Variants in COL24A1 observed in about 807,000 individuals in gnomAD.
The protein encoded by COL24A1 is collagen alpha-1(XXIV) chain.
Under a neutral mutation model 253.9 loss-of-function variants are expected in COL24A1, and 224 were observed. That is an observed-to-expected ratio of 0.88 (90% confidence interval 0.79 to 0.99). The LOEUF (loss-of-function observed/expected upper bound fraction) is 0.99. COL24A1 is among the 50% of genes least tolerant of loss of function. The pLI, the probability that COL24A1 is intolerant of heterozygous loss-of-function variation, is 0.00. For missense variants in COL24A1, 2,131 were observed against 2,068.5 expected (o/e 1.03, Z -0.59); for synonymous variants, 685 against 673.7 (o/e 1.02, Z -0.26).
chr1:86,123,001 T>G lies in COL24A1; in HGVS notation c.1491+1844A>C, dbSNP rs1479189309. On this transcript the variant is annotated intron_variant, in intron 3 of 59. Transcript: ENST00000370571. ...CTGCTTTAGAGGAAGAAAACCTGGA[T>G]TCAAATCCTGGCTCTATCATTTACC... 1.3e-5 allele frequency among the ~76,000 whole-genome samples: 2 copies of G among 152,026 alleles called. 1 individual carries two copies. Among genetic ancestry groups the G allele is most frequent in the African/African-American group, 4.8e-5 (2 of 41,440 alleles).
In COL24A1 at chr1:85,818,056, G is replaced by A; in HGVS notation, c.3821C>T (p.Pro1274Leu). The A allele has an allele frequency of 6.2e-7, 1 of 1,613,634 alleles. No individual in the cohort carries two copies. The highest frequency in any genetic ancestry group is 8.5e-7 in the Non-Finnish European group (1 of 1,179,674). Residue 1274 changes from proline to leucine, a missense_variant, in exon 46 of 60, where the codon CCT becomes CTT. By Grantham distance (98) the Pro-to-Leu change is moderately conservative. Coordinates refer to ENST00000370571, the MANE Select transcript of COL24A1 (RefSeq NM_152890.7). ...TACAGGAATCCCAGGTTTCCCAGAA[G>A]GACCAGGAGCTCCTTTTTTCCCCTT... The part of the protein sequence containing the change: ...GNKGKKGAPG[P>L]SGKPGIPGLQ...
At chr1:86,082,362 T>G (rs1341377144) in intron 7 of COL24A1, among the ~76,000 whole-genome samples, 1 of 152,108 alleles carries the variant, frequency 6.6e-6, no homozygotes, top group East Asian at 1.9e-4. Flanking sequence ...GCTTCTTACC[T>G]CTCAGCCTTT....
In COL24A1 at chr1:86,125,591, G is replaced by T. The variant is rs778227592; in HGVS notation, c.745C>A (p.Gln249Lys). 1.1e-5 allele frequency: 17 copies of T among 1,613,240 alleles called. No individual in the cohort carries two copies. Among genetic ancestry groups the T allele is most frequent in the Admixed American group, 1.7e-5 (1 of 59,834 alleles). The part of the protein sequence containing the change: ...KQQCRQADKY[Q>K]PETSIPCTTL... ...GTACAAGGAATGCTTGTTTCAGGTT[G>T]GTATTTGTCTGCTTGGCGACACTGC... The change falls in exon 3 of 60, where the codon CAA (glutamine) becomes AAA (lysine). Residue 249 changes from glutamine (Q) to lysine (K), a missense_variant. By Grantham distance (53) the Gln-to-Lys change is moderately conservative. Coordinates refer to ENST00000370571, the MANE Select transcript of COL24A1 (RefSeq NM_152890.7).
chr1:86,115,510 T>C, intron 3 of COL24A1, 132 bp from the exon 4 acceptor site: 1 of 785,730 alleles, frequency 1.3e-6, no homozygotes, highest in South Asian at 1.7e-5. Flanking sequence ...GATTTTTAAG[T>C]AACACGAACC....
chr1:85,906,264 C>CTTTTTTTTTTT lies in COL24A1; in HGVS notation c.2778+919_2778+929dup, dbSNP rs10526604. ...TTTGCCAACTGGAAAACTGCAAGGT[C>CTTTTTTTTTTT]TTTTTTTTTTTTTACCATGGTTAGG... On this transcript the variant is annotated intron_variant, in intron 28 of 59. Coordinates refer to ENST00000370571, the MANE Select transcript of COL24A1 (RefSeq NM_152890.7). Among the ~76,000 whole-genome samples the CTTTTTTTTTTT allele has an allele frequency of 1.7e-3, 136 of 77,834 alleles. 26 individuals carry two copies. The highest frequency in any genetic ancestry group is 0.021 in the Middle Eastern group (2 of 96). 51.1% of individuals were successfully genotyped at this position (77,834 alleles called of 152,430 possible).
At chr1:85,733,729 G>A (rs1004031728) in intron 59 of COL24A1, among the ~76,000 whole-genome samples, 2 of 151,664 alleles carry the variant, frequency 1.3e-5, no homozygotes, top group Admixed American at 6.6e-5. Flanking sequence ...ATTGGCGTGT[G>A]CCACCATGCC....
At chr1:85,827,060 G>T (rs1458555509) in intron 43 of COL24A1, among the ~76,000 whole-genome samples, 1 of 151,848 alleles carries the variant, frequency 6.6e-6, no homozygotes, top group Admixed American at 6.6e-5. Context: ...TTGGCTGTGG[G>T]TTTGTCATAG....
At chr1:85,763,613 T>A (rs979991058) in intron 53 of COL24A1, among the ~76,000 whole-genome samples, 1 of 149,816 alleles carries the variant, frequency 6.7e-6, no homozygotes, top group Non-Finnish European at 1.5e-5. Flanking sequence ...TGCCTCAGCC[T>A]TCCGAGTAGC....
chr1:85,827,935 G>C (rs894128410), intron 43 of COL24A1, among the ~76,000 whole-genome samples: 2 of 151,984 alleles, frequency 1.3e-5, no homozygotes, highest in African/African-American at 2.4e-5. Flanking sequence ...GTTCTGCTGT[G>C]ATTTTAGTTA....
chr1:86,153,982 T>C (rs1185077868), intron 1 of COL24A1: 1 of 152,152 alleles, frequency 6.6e-6, no homozygotes, highest in Non-Finnish European at 1.5e-5. Flanking sequence ...GGAACTGTTT[T>C]TGGGTGACTA....
At chr1:86,137,340 T>C (rs1650404890) in intron 2 of COL24A1, among the ~76,000 whole-genome samples, 1 of 152,220 alleles carries the variant, frequency 6.6e-6, no homozygotes, top group South Asian at 2.1e-4. Flanking sequence ...CCAAGCACTA[T>C]TCTAAGAACT....
At chr1:86,083,063 C>T (rs1246024593) in intron 7 of COL24A1, among the ~76,000 whole-genome samples, 1 of 151,944 alleles carries the variant, frequency 6.6e-6, no homozygotes, top group East Asian at 1.9e-4. Flanking sequence ...TTTGGGAGGC[C>T]GAGGCGGGCG....
At chr1:86,072,526 C>G (rs1335253138) in intron 7 of COL24A1, among the ~76,000 whole-genome samples, 1 of 152,188 alleles carries the variant, frequency 6.6e-6, no homozygotes, top group African/African-American at 2.4e-5. Flanking sequence ...TGGGTCAGAG[C>G]ACCTGGGGGA....
intron 19 of COL24A1, among the ~76,000 whole-genome samples, chr1:86,014,572 CATT>C (rs201935051): frequency 0.01 from 1,552 of 151,882 alleles, 36 homozygotes; most frequent in African/African-American, 0.035. Context: ...AAAGCCAAAA[CATT>C]ATTTCCTGCC....
chr1:86,140,633 C>T (rs1650939694), intron 2 of COL24A1, among the ~76,000 whole-genome samples: 1 of 152,188 alleles, frequency 6.6e-6, no homozygotes. Context: ...ACCTAGGGAT[C>T]ATGAACCTGA....
intron 7 of COL24A1, among the ~76,000 whole-genome samples, chr1:86,065,624 G>T (rs1465043442): frequency 6.6e-6 from 1 of 151,898 alleles, no homozygotes; most frequent in East Asian, 1.9e-4. Flanking sequence ...TTGGAATAAA[G>T]AGTTTTATTT....
At chr1:85,768,457 T>C (rs929888223) in intron 53 of COL24A1, among the ~76,000 whole-genome samples, 7 of 152,048 alleles carry the variant, frequency 4.6e-5, no homozygotes, top group Non-Finnish European at 7.4e-5. Flanking sequence ...CCAGGAGGGA[T>C]ATCATGATCA....
chr1:85,840,369 G>T (rs942828181), intron 42 of COL24A1, among the ~76,000 whole-genome samples: 3 of 151,876 alleles, frequency 2.0e-5, no homozygotes, highest in African/African-American at 7.3e-5. Context: ...TATATCTATT[G>T]CCTCTATATG....
At chr1:85,731,781 T>C (rs938005395) in intron 59 of COL24A1, among the ~76,000 whole-genome samples, 1 of 152,150 alleles carries the variant, frequency 6.6e-6, no homozygotes, top group Admixed American at 6.5e-5. Flanking sequence ...AAAATGTAGA[T>C]AGTTAGTAAA....
Sources: allele counts gnomAD v4.1 joint callset (sites outside exome capture counted in the v4.1 genomes callset), GRCh38; gene constraint gnomAD v4.1.1; transcripts MANE v1.5; gene names NCBI Gene and HGNC (gene_info 2026-07-23, HGNC 2026-07-21).